Variants in STPG2 observed in about 807,000 individuals in gnomAD.
STPG2 encodes the protein sperm-tail PG-rich repeat-containing protein 2.
In STPG2, 56 loss-of-function variants were observed where a neutral mutation model predicts 54.2. The ratio of observed to expected loss-of-function variants is 1.03; its 90% confidence interval spans 0.83 to 1.29. The LOEUF is 1.29. STPG2 is among the 50% of genes most tolerant of loss of function. The pLI is 0.00. For synonymous variants in STPG2, 200 were observed against 181.8 expected (o/e 1.10, Z -0.81); for missense variants, 596 against 544.9 (o/e 1.09, Z -0.93).
chr4:97,929,713 T>G (rs1202550872), intron 8 of STPG2, among the ~76,000 whole-genome samples: 4 of 152,172 alleles, frequency 2.6e-5, no homozygotes, highest in African/African-American at 9.7e-5. Context: ...TGCCCACTTT[T>G]TAATGGGGTT....
In STPG2 at chr4:98,054,752, T is replaced by A. The variant is rs1737430230; in HGVS notation, c.612+51201A>T. 2.6e-5 allele frequency among the ~76,000 whole-genome samples: 4 copies of A among 152,324 alleles called. No homozygotes were observed. The South Asian group carries it at 8.3e-4, about 32-fold the overall frequency. On this transcript the variant is annotated intron_variant, in intron 5 of 10. Coordinates refer to ENST00000295268, the MANE Select transcript of STPG2 (RefSeq NM_174952.3). ...TTCTATTCAGTGATTTGATGCAATT[T>A]TCCTTTGGTGGAGTTTCTTTCACAA...
At chr4:97,881,729 A>G (rs766497528) in intron 8 of STPG2, among the ~76,000 whole-genome samples, 5 of 152,136 alleles carry the variant, frequency 3.3e-5, no homozygotes, top group Admixed American at 6.6e-5. Context: ...AACTCCTCAG[A>G]CTTTCATACT....
intron 9 of STPG2, among the ~76,000 whole-genome samples, chr4:97,840,318 G>T (rs554997848): frequency 1.5e-4 from 22 of 151,486 alleles, no homozygotes; most frequent in Admixed American, 8.6e-4. Context: ...AATGCTGAAT[G>T]ACTTTATTAG....
chr4:97,623,306 C>A (rs1734059927), intron 10 of STPG2, among the ~76,000 whole-genome samples: 1 of 151,920 alleles, frequency 6.6e-6, no homozygotes, highest in South Asian at 2.1e-4. Flanking sequence ...GCAAAATAAT[C>A]TATGGACAAC....
chr4:97,445,237 C>G (rs1399128645), intron 4 of STPG2, among the ~76,000 whole-genome samples: 2 of 152,114 alleles, frequency 1.3e-5, no homozygotes, highest in African/African-American at 2.4e-5. Flanking sequence ...GACTATTTCT[C>G]TCTGCCATAA....
At chr4:97,670,199 A>G (rs1182509843) in intron 10 of STPG2, among the ~76,000 whole-genome samples, 1 of 152,140 alleles carries the variant, frequency 6.6e-6, no homozygotes, top group Non-Finnish European at 1.5e-5. Flanking sequence ...CTGTAATGGT[A>G]TATATGCTTC....
At chr4:97,709,906 T>C (rs1023977111) in intron 10 of STPG2, among the ~76,000 whole-genome samples, 2 of 151,912 alleles carry the variant, frequency 1.3e-5, no homozygotes, top group African/African-American at 4.8e-5. Flanking sequence ...TAGTGATTTA[T>C]GAAAAGAAAA....
intron 5 of STPG2, among the ~76,000 whole-genome samples, chr4:98,018,369 A>T (rs1736043803): frequency 6.6e-6 from 1 of 152,192 alleles, no homozygotes; most frequent in African/African-American, 2.4e-5. Flanking sequence ...ATGGCTGCAT[A>T]GTATTCCATG....
chr4:98,143,198 G>C lies in STPG2; in HGVS notation c.-48C>G, dbSNP rs1431043056. 1 of 1,460,350 alleles carries C rather than the reference G, an allele frequency of 6.8e-7. No homozygotes were observed. The highest frequency in any genetic ancestry group is 9.5e-7 in the Non-Finnish European group (1 of 1,052,326). 90.5% of individuals were successfully genotyped at this position (1,460,350 alleles called of 1,614,324 possible). On this transcript the variant is annotated 5_prime_UTR_variant, in exon 1 of 11. It adds an upstream start codon to the 5' untranslated region. Transcript: ENST00000295268. Reference sequence around the variant, plus strand: ...CTGGGGAAGGGCAGGTGCCGAAAACGATAAAAACAAGGTAGCTAGAAGTGT... The same window carrying C: ...CTGGGGAAGGGCAGGTGCCGAAAACCATAAAAACAAGGTAGCTAGAAGTGT...
chr4:98,071,426 A>T (rs760378507), intron 5 of STPG2, among the ~76,000 whole-genome samples: 1 of 151,806 alleles, frequency 6.6e-6, no homozygotes, highest in African/African-American at 2.4e-5. Context: ...CTCAAGATGG[A>T]TTAAAGATTT....
At chr4:97,515,187 C>T (rs1486555692) in intron 4 of STPG2, among the ~76,000 whole-genome samples, 5 of 151,994 alleles carry the variant, frequency 3.3e-5, no homozygotes, top group Admixed American at 2.0e-4. Flanking sequence ...AGAATTTGCA[C>T]GCTTGTAAAT....
intron 10 of STPG2, among the ~76,000 whole-genome samples, chr4:97,581,816 G>C (rs1032114354): frequency 1.3e-5 from 2 of 151,880 alleles, no homozygotes; most frequent in South Asian, 4.2e-4. Context: ...TCTGTCAAAG[G>C]ATCTAAAGTT....
At chr4:97,770,324 C>G (rs1412283174) in intron 9 of STPG2, among the ~76,000 whole-genome samples, 1 of 152,132 alleles carries the variant, frequency 6.6e-6, no homozygotes, top group Non-Finnish European at 1.5e-5. Flanking sequence ...TCACTGTAAG[C>G]TGAGATCTGA....
At chr4:97,523,816 T>C (rs527282733) in intron 4 of STPG2, among the ~76,000 whole-genome samples, 6 of 152,138 alleles carry the variant, frequency 3.9e-5, no homozygotes, top group African/African-American at 1.2e-4. Context: ...TGGCAGTCAC[T>C]GCAGCACTTA....
chr4:97,534,829 T>C (rs1293502897), intron 4 of STPG2, among the ~76,000 whole-genome samples: 1 of 152,212 alleles, frequency 6.6e-6, no homozygotes, highest in Non-Finnish European at 1.5e-5. Context: ...CCTGTGCTCA[T>C]AATTTTGCCT....
intron 10 of STPG2, among the ~76,000 whole-genome samples, chr4:97,703,806 G>T (rs1723863260): frequency 6.7e-6 from 1 of 148,236 alleles, no homozygotes; most frequent in Admixed American, 6.9e-5. Flanking sequence ...GTGTGTGTGT[G>T]TGTGTGTATA....
chr4:98,012,761 T>G (rs60391193), intron 5 of STPG2, among the ~76,000 whole-genome samples: 59,954 of 152,052 alleles, frequency 0.39, 12,049 homozygotes, highest in Middle Eastern at 0.46. Context: ...TATCTATTGT[T>G]GGTGTATAGA....
intron 5 of STPG2, among the ~76,000 whole-genome samples, chr4:98,035,942 G>C (rs1736763650): frequency 6.6e-6 from 1 of 151,898 alleles, no homozygotes; most frequent in African/African-American, 2.4e-5. Context: ...ACCAGGGCCT[G>C]TCGAGGGGTG....
chr4:97,862,119 C>T (rs1182222690), intron 8 of STPG2, among the ~76,000 whole-genome samples: 1 of 151,958 alleles, frequency 6.6e-6, no homozygotes, highest in Non-Finnish European at 1.5e-5. Context: ...TTAAAAGACA[C>T]AGACTGGCAA....
Sources: allele counts gnomAD v4.1 joint callset (sites outside exome capture counted in the v4.1 genomes callset), GRCh38; gene constraint gnomAD v4.1.1; transcripts MANE v1.5; gene names NCBI Gene and HGNC (gene_info 2026-07-23, HGNC 2026-07-21).